ADORA2B: variants seen among roughly 807,000 people sequenced by gnomAD.
ADORA2B encodes the protein adenosine receptor A2b.
In ADORA2B, 18 loss-of-function variants were observed where a neutral mutation model predicts 20.8. That is an observed-to-expected ratio of 0.87 (90% CI 0.60 to 1.29). The LOEUF is 1.29. Ranked by LOEUF, ADORA2B falls within the 50% of genes most tolerant of loss-of-function variation. The pLI is 0.00. For missense variants in ADORA2B, 441 were observed against 422.7 expected (o/e 1.04, Z -0.38); for synonymous variants, 179 against 178.3 (o/e 1.00, Z -0.03).
At chr17:15,953,495 G>T (rs947944618) in intron 1 of ADORA2B, among the ~76,000 whole-genome samples, 2 of 152,216 alleles carry the variant, frequency 1.3e-5, no homozygotes, top group African/African-American at 4.8e-5. Flanking sequence ...CCCTGGTTTT[G>T]TGCTGCCATC....
the ADORA2B span, among the ~76,000 whole-genome samples, chr17:15,894,893 A>G: frequency 6.6e-6 from 1 of 152,204 alleles, no homozygotes; most frequent in Non-Finnish European, 1.5e-5. Context: ...ACAGTTCTCT[A>G]GAGAAGCAGA....
intron 1 of ADORA2B, among the ~76,000 whole-genome samples, chr17:15,948,309 C>CAGGGAAAAGGAGTGTCTGCTCGCA (rs56317334): frequency 1.3e-5 from 2 of 149,512 alleles, no homozygotes; most frequent in South Asian, 2.1e-4. Flanking sequence ...CTTGGCCTGG[C>CAGGGAAAAGGAGTGTCTGCTCGCA]CCTTTGCCTT....
the ADORA2B span, among the ~76,000 whole-genome samples, chr17:15,887,455 G>T: frequency 7.6e-6 from 1 of 131,038 alleles, no homozygotes; most frequent in Non-Finnish European, 1.6e-5. Flanking sequence ...TTTAAAGAAA[G>T]AGTGCTGATG....
intron 1 of ADORA2B, among the ~76,000 whole-genome samples, chr17:15,946,554 G>C (rs1969809104): frequency 6.6e-6 from 1 of 152,212 alleles, no homozygotes; most frequent in African/African-American, 2.4e-5. Context: ...CTGAGACAGG[G>C]AAACTAAATC....
At chr17:15,877,928 C>G in the ADORA2B span, among the ~76,000 whole-genome samples, 6 of 152,090 alleles carry the variant, frequency 3.9e-5, no homozygotes, top group Admixed American at 3.9e-4. Flanking sequence ...TATTTCTTGT[C>G]CATCAACTTT....
At chr17:15,928,247 G>A in the ADORA2B span, among the ~76,000 whole-genome samples, 3 of 152,324 alleles carry the variant, frequency 2.0e-5, no homozygotes, top group South Asian at 2.1e-4. Context: ...AGTGGGGACC[G>A]AGGGCAGATC....
At chr17:15,851,584 G>A in the ADORA2B span, among the ~76,000 whole-genome samples, 2 of 152,076 alleles carry the variant, frequency 1.3e-5, no homozygotes, top group African/African-American at 4.8e-5. Flanking sequence ...GCTGCAGAAG[G>A]GCAGCTTTCT....
chr17:15,872,971 T>A, the ADORA2B span, among the ~76,000 whole-genome samples: 1 of 152,200 alleles, frequency 6.6e-6, no homozygotes, highest in Non-Finnish European at 1.5e-5. Flanking sequence ...GGCATCATTG[T>A]CTTGTTCCTG....
chr17:15,867,430 G>A, the ADORA2B span, among the ~76,000 whole-genome samples: 4 of 150,582 alleles, frequency 2.7e-5, no homozygotes, highest in East Asian at 2.0e-4. Context: ...GTCTCTGCCC[G>A]GCCGCCCCAT....
chr17:15,850,522 A>G, the ADORA2B span: 2 of 154,856 alleles, frequency 1.3e-5, no homozygotes, highest in East Asian at 3.9e-4. Context: ...ATTATTTGCT[A>G]TTTTGAACTG....
At chr17:15,946,141 G>A (rs549188607) in intron 1 of ADORA2B, among the ~76,000 whole-genome samples, 49 of 152,350 alleles carry the variant, frequency 3.2e-4, no homozygotes, top group Middle Eastern at 3.4e-3. Flanking sequence ...TGTCTGCTGC[G>A]GAGAGGCGGC....
rs2151590210 is a variant in ADORA2B, at chr17:15,945,190, G to A, written c.-59G>A. ...GGCCATGCCCGGCGGGTCTCACGCG[G>A]CTGCCCCTCGCCCGGCGCGCCTTCG... On this transcript the variant is annotated 5_prime_UTR_variant, in exon 1 of 2. Coordinates refer to ENST00000304222, the MANE Select transcript of ADORA2B (RefSeq NM_000676.4). 1.5e-6 allele frequency: 2 copies of A among 1,352,992 alleles called. No individual in the cohort carries two copies. The highest frequency in any genetic ancestry group is 1.9e-6 in the Non-Finnish European group (2 of 1,054,262). 83.8% of individuals were successfully genotyped at this position (1,352,992 alleles called of 1,614,324 possible).
the ADORA2B span, among the ~76,000 whole-genome samples, chr17:15,930,458 G>A: frequency 6.6e-6 from 1 of 151,904 alleles, no homozygotes; most frequent in Non-Finnish European, 1.5e-5. Context: ...ACCTCACCTG[G>A]CTAATTTTTG....
upstream of ADORA2B, among the ~76,000 whole-genome samples, chr17:15,941,426 A>G (rs1370259540): frequency 2.0e-5 from 3 of 152,178 alleles, no homozygotes; most frequent in Non-Finnish European, 2.9e-5. Flanking sequence ...CTGCACACCA[A>G]TTGCTTTCAA....
the ADORA2B span, among the ~76,000 whole-genome samples, chr17:15,933,226 A>G: frequency 6.6e-6 from 1 of 152,164 alleles, no homozygotes; most frequent in Non-Finnish European, 1.5e-5. Flanking sequence ...AAGTGTTGGG[A>G]TTACAGGCGT....
intron 1 of ADORA2B, among the ~76,000 whole-genome samples, chr17:15,948,249 G>T (rs1028277197): frequency 6.6e-6 from 1 of 152,230 alleles, no homozygotes; most frequent in Non-Finnish European, 1.5e-5. Context: ...ACAGATGACA[G>T]TGTAGAAGGG....
At chr17:15,916,905 G>C in the ADORA2B span, among the ~76,000 whole-genome samples, 1 of 152,202 alleles carries the variant, frequency 6.6e-6, no homozygotes, top group Non-Finnish European at 1.5e-5. Flanking sequence ...GCTTGGAGAA[G>C]GCAAAGCAAG....
chr17:15,860,993 G>A, the ADORA2B span: 2 of 152,358 alleles, frequency 1.3e-5, no homozygotes, highest in Admixed American at 6.5e-5. Context: ...AGGGAACCAC[G>A]AAGCAGTTTC....
chr17:15,962,227 C>CGGGAGGCGGAGGTTGCA (rs1187025989), intron 1 of ADORA2B, among the ~76,000 whole-genome samples: 29 of 152,068 alleles, frequency 1.9e-4, no homozygotes, highest in African/African-American at 6.5e-4. Flanking sequence ...TGCTTGAACC[C>CGGGAGGCGGAGGTTGCA]GGGAGGCGGA....
Sources: gnomAD v4.1 joint callset for allele counts (sites outside exome capture counted in the v4.1 genomes callset) on GRCh38, gnomAD v4.1.1 for gene constraint, MANE v1.5 for transcripts, NCBI Gene and HGNC (gene_info 2026-07-23, HGNC 2026-07-21) for gene names.